The following TET1 variants were observed in gnomAD, a reference collection of about 807,000 sequenced individuals.
TET1 encodes the protein methylcytosine dioxygenase TET1.
In TET1, 13 loss-of-function variants were observed where a neutral mutation model predicts 148.7. That is an observed-to-expected ratio of 0.09 (90% confidence interval 0.06 to 0.14). TET1 has a LOEUF of 0.14. Ranked by LOEUF, TET1 falls within the 10% of genes least tolerant of loss-of-function variation. The pLI is 1.00. For missense variants in TET1, 2,182 were observed against 2,553.8 expected (o/e 0.85, Z 3.14); for synonymous variants, 907 against 937.2 (o/e 0.97, Z 0.59).
At chr10:68,641,086 G>A (rs1258263416) in intron 3 of TET1, among the ~76,000 whole-genome samples, 2 of 148,632 alleles carry the variant, frequency 1.3e-5, no homozygotes, top group African/African-American at 2.5e-5. Flanking sequence ...AGGTTGTATG[G>A]CACATGAAGC....
At chr10:68,562,718 T>C (rs1007095726) in intron 1 of TET1, among the ~76,000 whole-genome samples, 5 of 135,086 alleles carry the variant, frequency 3.7e-5, no homozygotes, top group African/African-American at 1.3e-4. Context: ...AATAGATGGG[T>C]GGGAGGGTTG....
chr10:68,625,986 A>AG (rs2054471897), intron 3 of TET1, among the ~76,000 whole-genome samples: 1 of 151,026 alleles, frequency 6.6e-6, no homozygotes, highest in African/African-American at 2.4e-5. Flanking sequence ...CAGAAGGCTG[A>AG]GGGGGGAGAA....
chr10:68,605,830 T>C (rs1485557436), intron 3 of TET1, among the ~76,000 whole-genome samples: 1 of 152,210 alleles, frequency 6.6e-6, no homozygotes, highest in African/African-American at 2.4e-5. Flanking sequence ...ATTATTTTTA[T>C]ATATACTAGA....
At chr10:68,642,449 T>G (rs1453237968) in intron 3 of TET1, among the ~76,000 whole-genome samples, 4 of 150,128 alleles carry the variant, frequency 2.7e-5, no homozygotes, top group African/African-American at 4.9e-5. Context: ...AAAAAGAAAA[T>G]AAAGTAGATA....
Position 68,632,712 on chromosome 10 carries a change from C to T in TET1, c.1969-11986C>T, listed in dbSNP as rs1233616038. ...TCGATCCTGAAAGAAAACACAACGG[C>T]GGCAGCAGCAATTGAACAATCTTGA... On this transcript the variant is annotated intron_variant, in intron 3 of 11. Coordinates refer to ENST00000373644, the MANE Select transcript of TET1 (RefSeq NM_030625.3). 9 of 1,608,550 alleles carry T rather than the reference C, an allele frequency of 5.6e-6. No homozygotes were observed. In the Middle Eastern group the frequency reaches 4.9e-4, roughly 88 times the overall value.
intron 3 of TET1, among the ~76,000 whole-genome samples, chr10:68,613,022 A>G (rs887401766): frequency 1.3e-5 from 2 of 152,222 alleles, no homozygotes; most frequent in African/African-American, 2.4e-5. Context: ...CAATACATTT[A>G]TCTTTTTAAT....
At chr10:68,666,563 G>T (rs746504947) in intron 6 of TET1, among the ~76,000 whole-genome samples, 1 of 152,042 alleles carries the variant, frequency 6.6e-6, no homozygotes, top group African/African-American at 2.4e-5. Context: ...GTTTTCTACC[G>T]GGCCCTCTCT....
chr10:68,686,621 T>C lies in TET1; in HGVS notation c.5318T>C (p.Val1773Ala). Residue 1773 changes from valine (V) to alanine (A), a missense_variant, in exon 11 of 12, where the codon GTG becomes GCG. Coordinates refer to ENST00000373644, the MANE Select transcript of TET1 (RefSeq NM_030625.3). ...TEVLAHKIRA[V>A]EKKPIPRIKR... is the part of the protein sequence containing the mutation. Reference sequence around the variant, plus strand: ...GTTCTTGCACATAAGATAAGGGCAGTGGAAAAGAAACCTATTCCCCGAATC... The same window carrying C: ...GTTCTTGCACATAAGATAAGGGCAGCGGAAAAGAAACCTATTCCCCGAATC... The C allele has an allele frequency of 1.2e-6, 2 of 1,614,178 alleles. No individual in the cohort carries two copies. The highest frequency in any genetic ancestry group is 1.7e-6 in the Non-Finnish European group (2 of 1,180,044).
At chr10:68,610,773 A>T (rs568433324) in intron 3 of TET1, among the ~76,000 whole-genome samples, 32 of 151,942 alleles carry the variant, frequency 2.1e-4, no homozygotes, top group African/African-American at 7.2e-4. Flanking sequence ...CTTTTACTTC[A>T]GCCTCCCAAA....
chr10:68,664,121 C>T (rs1260663183), intron 6 of TET1, among the ~76,000 whole-genome samples: 2 of 152,014 alleles, frequency 1.3e-5, no homozygotes, highest in African/African-American at 4.8e-5. Flanking sequence ...GCATGAGCCA[C>T]GGTGCCGGCC....
intron 3 of TET1, among the ~76,000 whole-genome samples, chr10:68,626,100 A>AAAAAG (rs1564976212): frequency 3.6e-5 from 1 of 28,104 alleles, no homozygotes; most frequent in African/African-American, 1.6e-4. Context: ...AAAAAAAAGA[A>AAAAAG]AAAAAAAAAG....
intron 6 of TET1, among the ~76,000 whole-genome samples, chr10:68,655,482 G>C (rs891716745): frequency 2.6e-5 from 4 of 152,170 alleles, no homozygotes; most frequent in Non-Finnish European, 5.9e-5. Flanking sequence ...TAAGTGGTAA[G>C]GAATGAATAT....
chr10:68,680,939 A>G (rs1269138322), intron 8 of TET1, among the ~76,000 whole-genome samples: 1 of 152,238 alleles, frequency 6.6e-6, no homozygotes, highest in African/African-American at 2.4e-5. Context: ...GGACATATGG[A>G]TTCCATTTGA....
intron 3 of TET1, among the ~76,000 whole-genome samples, chr10:68,623,517 C>T (rs966713197): frequency 6.6e-6 from 1 of 152,204 alleles, no homozygotes; most frequent in African/African-American, 2.4e-5. Flanking sequence ...CCCCTGGCAT[C>T]AGTAGATGGA....
At chr10:68,596,103 A>G (rs940658949) in intron 2 of TET1, among the ~76,000 whole-genome samples, 1 of 143,172 alleles carries the variant, frequency 7.0e-6, no homozygotes, top group Non-Finnish European at 1.5e-5. Flanking sequence ...CAGTGGCGCA[A>G]TCTCAGCTCA....
intron 1 of TET1, among the ~76,000 whole-genome samples, chr10:68,570,249 C>A (rs550665069): frequency 5.3e-5 from 8 of 152,028 alleles, no homozygotes; most frequent in Admixed American, 3.9e-4. Context: ...GGATTACAGG[C>A]GCCTGCCACC....
chr10:68,591,297 T>C (rs67201270), intron 2 of TET1, among the ~76,000 whole-genome samples: 43,510 of 152,210 alleles, frequency 0.29, 7,672 homozygotes, highest in Middle Eastern at 0.43. Flanking sequence ...TATTTTTTGG[T>C]TCCTCTCTTT....
At chr10:68,647,610 A>G (rs1564991756) in intron 4 of TET1, among the ~76,000 whole-genome samples, 1 of 151,626 alleles carries the variant, frequency 6.6e-6, no homozygotes, top group Non-Finnish European at 1.5e-5. Flanking sequence ...TCTTAAAAAA[A>G]AAAGAAAGAA....
chr10:68,581,705 C>A (rs2053800141), intron 2 of TET1, among the ~76,000 whole-genome samples: 1 of 151,920 alleles, frequency 6.6e-6, no homozygotes, highest in African/African-American at 2.4e-5. Flanking sequence ...ATTAGCTGCG[C>A]ATGGTGGCAT....
Sources: allele counts gnomAD v4.1 joint callset (sites outside exome capture counted in the v4.1 genomes callset), GRCh38; gene constraint gnomAD v4.1.1; transcripts MANE v1.5; gene names NCBI Gene and HGNC (gene_info 2026-07-23, HGNC 2026-07-21).